The following AATF variants were observed in gnomAD, a reference collection of about 807,000 sequenced individuals.
AATF encodes the protein apoptosis antagonizing transcription factor.
Under a neutral mutation model 63.7 loss-of-function variants are expected in AATF, and 48 were observed. That is an observed-to-expected ratio of 0.75 (90% CI 0.60 to 0.96). The LOEUF is 0.96. Among genes scored for constraint, AATF ranks in the 40% least tolerant of loss-of-function variants. The pLI, the probability that AATF is intolerant of heterozygous loss-of-function variation, is 0.00. For missense variants in AATF, 639 were observed against 685.7 expected (o/e 0.93, Z 0.76); for synonymous variants, 258 against 247.7 (o/e 1.04, Z -0.39).
At chr17:37,049,860 T>C (rs1180702062) in intron 11 of AATF, among the ~76,000 whole-genome samples, 1 of 151,768 alleles carries the variant, frequency 6.6e-6, no homozygotes, top group Non-Finnish European at 1.5e-5. Flanking sequence ...CAGAAGAGAG[T>C]GGAGGCCTTG....
At chr17:36,996,433 A>T (rs1254236368) in intron 8 of AATF, among the ~76,000 whole-genome samples, 1 of 152,190 alleles carries the variant, frequency 6.6e-6, no homozygotes, top group African/African-American at 2.4e-5. Context: ...AAATAAACAA[A>T]TGAAATAAAA....
intron 8 of AATF, among the ~76,000 whole-genome samples, chr17:37,011,424 T>G (rs2071389876): frequency 6.6e-6 from 1 of 152,170 alleles, no homozygotes; most frequent in African/African-American, 2.4e-5. Flanking sequence ...TAGCCTGTAC[T>G]GGGTGGAGGC....
intron 4 of AATF, among the ~76,000 whole-genome samples, chr17:36,982,204 A>G (rs1597711235): frequency 7.1e-6 from 1 of 140,272 alleles, no homozygotes; most frequent in East Asian, 2.1e-4. Context: ...CTAATACTCC[A>G]TTGCTTTTTC....
intron 8 of AATF, among the ~76,000 whole-genome samples, chr17:37,009,223 C>T (rs970390991): frequency 6.6e-6 from 1 of 151,944 alleles, no homozygotes; most frequent in Non-Finnish European, 1.5e-5. Context: ...CCTCCACCTC[C>T]TGGGTTCAAG....
chr17:36,949,136 C>T lies in AATF; in HGVS notation c.11C>T (p.Pro4Leu), dbSNP rs1335306929. 3.2e-6 allele frequency: 5 copies of T among 1,579,546 alleles called. No individual in the cohort carries two copies. The highest frequency in any genetic ancestry group is 3.4e-6 in the Non-Finnish European group (4 of 1,164,132). MAG[P>L]QPLALQLEQL... The stretch of plus-strand genomic sequence containing the variant: ...CGGGAGCTGGTGACGATGGCGGGGC[C>T]GCAGCCCCTGGCGCTGCAACTGGAA... Residue 4 changes from proline (P) to leucine (L), a missense_variant, in exon 1 of 12, where the codon CCG (proline) becomes CTG (leucine). Coordinates refer to ENST00000619387, the MANE Select transcript of AATF (RefSeq NM_012138.4).
intron 4 of AATF, among the ~76,000 whole-genome samples, chr17:36,984,882 C>T (rs914730503): frequency 6.6e-5 from 10 of 151,562 alleles, no homozygotes; most frequent in African/African-American, 2.4e-4. Flanking sequence ...AAGCAATCAT[C>T]CCGTCCTGGC....
In AATF at chr17:37,010,130, CA is replaced by C. The variant is rs2071378934; in HGVS notation, c.1399-8872del. ...GTGTGTGGTGGGGGAAATGATAAAG[CA>C]AACACAGATATGGTATTTTCTCTCA... On this transcript the variant is annotated intron_variant, in intron 8 of 11. Transcript: ENST00000619387. Among the ~76,000 whole-genome samples the C allele has an allele frequency of 4.6e-5, 7 of 152,152 alleles. No individual in the cohort carries two copies. The South Asian group carries it at 1.5e-3, about 32-fold the overall frequency.
chr17:36,958,899 C>A (rs754386447), intron 4 of AATF, among the ~76,000 whole-genome samples: 6 of 152,152 alleles, frequency 3.9e-5, no homozygotes, highest in Non-Finnish European at 8.8e-5. Flanking sequence ...AATCCTAGCA[C>A]TTTGGGAGGC....
intron 11 of AATF, chr17:37,033,643 A>C (rs1597734553): frequency 1.3e-5 from 2 of 154,920 alleles, no homozygotes; most frequent in South Asian, 4.1e-4. Flanking sequence ...TAAAAAATAT[A>C]AAACCTGACT....
intron 11 of AATF, among the ~76,000 whole-genome samples, chr17:37,039,680 C>A (rs1025430884): frequency 2.3e-4 from 35 of 152,258 alleles, no homozygotes; most frequent in African/African-American, 7.9e-4. Flanking sequence ...GGGCATGGGG[C>A]CTTCTTTCGC....
intron 11 of AATF, chr17:37,046,092 G>A (rs1310693494): frequency 6.6e-6 from 1 of 152,030 alleles, no homozygotes; most frequent in African/African-American, 2.4e-5. Context: ...ATCAGAAAAT[G>A]TGGTATCGAT....
intron 4 of AATF, among the ~76,000 whole-genome samples, chr17:36,957,514 A>G (rs1326062711): frequency 6.6e-6 from 1 of 152,208 alleles, no homozygotes; most frequent in Non-Finnish European, 1.5e-5. Flanking sequence ...GGAAAGTGTT[A>G]TAGTTTACTA....
intron 4 of AATF, among the ~76,000 whole-genome samples, chr17:36,966,075 T>C (rs559214425): frequency 3.1e-4 from 47 of 152,160 alleles, no homozygotes; most frequent in Non-Finnish European, 5.6e-4. Flanking sequence ...AATAATTTTC[T>C]TCCTTCCATT....
At chr17:36,958,134 C>T (rs2070917085) in intron 4 of AATF, among the ~76,000 whole-genome samples, 1 of 151,900 alleles carries the variant, frequency 6.6e-6, no homozygotes, top group South Asian at 2.1e-4. Flanking sequence ...AACCATTTCT[C>T]TAAAAGGGTT....
At chr17:36,950,546 C>A in intron 2 of AATF, 141 bp downstream of exon 2, 1 of 890,078 alleles carries the variant, frequency 1.1e-6, no homozygotes, top group Non-Finnish European at 1.7e-6. Context: ...GTTGCCCAGG[C>A]TGGAGTGTGA....
intron 2 of AATF, among the ~76,000 whole-genome samples, chr17:36,951,229 C>T (rs968242589): frequency 6.6e-6 from 1 of 152,162 alleles, no homozygotes; most frequent in Non-Finnish European, 1.5e-5. Context: ...ATAAAAGGAA[C>T]TATCATTTAG....
At chr17:36,977,784 CTCTTT>C (rs1448102372) in intron 4 of AATF, among the ~76,000 whole-genome samples, 1 of 152,128 alleles carries the variant, frequency 6.6e-6, no homozygotes, top group African/African-American at 2.4e-5. Context: ...TGAACATTTA[CTCTTT>C]TCTGTTTAAA....
chr17:37,050,244 A>G (rs1392266423), intron 11 of AATF, among the ~76,000 whole-genome samples: 3 of 152,130 alleles, frequency 2.0e-5, no homozygotes, highest in African/African-American at 7.2e-5. Context: ...TGTCTCCCCA[A>G]ATGGAGTGGT....
chr17:36,956,429 T>C (rs773295009), intron 4 of AATF, among the ~76,000 whole-genome samples: 1 of 152,172 alleles, frequency 6.6e-6, no homozygotes, highest in African/African-American at 2.4e-5. Context: ...TGCCAGCACT[T>C]TGGGAGGCCG....
Sources: gnomAD v4.1 joint callset for allele counts (sites outside exome capture counted in the v4.1 genomes callset) on GRCh38, gnomAD v4.1.1 for gene constraint, MANE v1.5 for transcripts, NCBI Gene and HGNC (gene_info 2026-07-23, HGNC 2026-07-21) for gene names.